Variants in C1QTNF3 observed in about 807,000 individuals in gnomAD.
C1QTNF3 encodes complement C1q tumor necrosis factor-related protein 3.
In C1QTNF3, 26 loss-of-function variants were observed where a neutral mutation model predicts 32.6. The ratio of observed to expected loss-of-function variants is 0.80; its 90% CI spans 0.58 to 1.11. C1QTNF3 has a LOEUF of 1.11. Among genes scored for constraint, C1QTNF3 ranks in the 50% least tolerant of loss-of-function variants. The pLI is 0.00. For missense variants in C1QTNF3, 362 were observed against 398.2 expected, an observed-to-expected ratio of 0.91 and a Z score of 0.77; for synonymous variants, 155 against 146.0, an observed-to-expected ratio of 1.06 and a Z score of -0.44.
chr5:34,105,925 T>C, the C1QTNF3 span: 1 of 144,988 alleles, frequency 6.9e-6, no homozygotes, highest in East Asian at 2.0e-4. Context: ...GTGTCCTCTC[T>C]CATGCATAAT....
At chr5:34,167,179 G>A in the C1QTNF3 span, 1 of 151,876 alleles carries the variant, frequency 6.6e-6, no homozygotes, top group African/African-American at 2.4e-5. Flanking sequence ...CCATCATCAC[G>A]TTTTGGCTAG....
chr5:34,055,294 C>A, the C1QTNF3 span, among the ~76,000 whole-genome samples: 1 of 152,194 alleles, frequency 6.6e-6, no homozygotes, highest in Non-Finnish European at 1.5e-5. Flanking sequence ...GCCATAGCTA[C>A]CACATGGTAG....
Position 34,019,326 on chromosome 5 carries a change from A to G in C1QTNF3, c.*1257T>C, listed in dbSNP as rs1754269961. ...TGCACCTTTTCCCATCTCTGTTGTG[A>G]ATCAATTTCCCACACACCTGGGACT... On this transcript the variant is annotated 3_prime_UTR_variant, in exon 6 of 6. Transcript: ENST00000382065. 1.3e-5 allele frequency: 2 copies of G among 152,164 alleles called. No individual in the cohort carries two copies. Among genetic ancestry groups the G allele is most frequent in the Non-Finnish European group, 2.9e-5 (2 of 68,034 alleles). The allele number at this position is 152,164 out of a possible 1,614,324, so 9.4% of individuals were successfully genotyped here. A position where few individuals can be genotyped will look rare whatever the true frequency, so the allele number is the denominator to read the frequency against.
At chr5:34,141,705 G>C in the C1QTNF3 span, among the ~76,000 whole-genome samples, 13 of 152,258 alleles carry the variant, frequency 8.5e-5, no homozygotes, top group East Asian at 2.3e-3. Flanking sequence ...GTAGACAGCG[G>C]AATGGTGGTT....
chr5:34,028,034 G>C (rs1415505210), intron 4 of C1QTNF3, among the ~76,000 whole-genome samples: 1 of 151,854 alleles, frequency 6.6e-6, no homozygotes, highest in Non-Finnish European at 1.5e-5. Flanking sequence ...GTGCAGTCGC[G>C]CGATCTCCGC....
the C1QTNF3 span, among the ~76,000 whole-genome samples, chr5:34,237,568 G>C: frequency 6.6e-6 from 1 of 152,170 alleles, no homozygotes; most frequent in African/African-American, 2.4e-5. Context: ...TGCGACAATA[G>C]ATGGTCAATT....
chr5:34,030,946 G>A (rs56305517), intron 3 of C1QTNF3, among the ~76,000 whole-genome samples: 38,997 of 152,036 alleles, frequency 0.26, 5,367 homozygotes, highest in South Asian at 0.47. Context: ...ATGGAAGGTG[G>A]GAGGAGGGAG....
At chr5:34,169,847 C>T in the C1QTNF3 span, among the ~76,000 whole-genome samples, 15 of 152,204 alleles carry the variant, frequency 9.9e-5, no homozygotes, top group South Asian at 2.1e-3. Context: ...TACAATGATA[C>T]AGCAACTAAG....
At chr5:34,216,018 C>G in the C1QTNF3 span, among the ~76,000 whole-genome samples, 3 of 152,202 alleles carry the variant, frequency 2.0e-5, no homozygotes, top group African/African-American at 7.2e-5. Flanking sequence ...GTGGTCACCA[C>G]ACAGATTCCC....
chr5:34,113,672 A>G, the C1QTNF3 span, among the ~76,000 whole-genome samples: 1 of 152,106 alleles, frequency 6.6e-6, no homozygotes, highest in Non-Finnish European at 1.5e-5. Context: ...CTCTCTCTCT[A>G]TATATATGTA....
the C1QTNF3 span, chr5:34,218,576 T>C: frequency 1.3e-5 from 2 of 152,444 alleles, no homozygotes; most frequent in Non-Finnish European, 2.9e-5. Flanking sequence ...CCTGTCCCCA[T>C]GCAGTGAATG....
the C1QTNF3 span, among the ~76,000 whole-genome samples, chr5:34,210,297 C>T: frequency 6.6e-6 from 1 of 151,950 alleles, no homozygotes; most frequent in Non-Finnish European, 1.5e-5. Context: ...ATATTGCATA[C>T]TCAATATGGC....
chr5:34,055,451 C>T, the C1QTNF3 span, among the ~76,000 whole-genome samples: 1 of 152,316 alleles, frequency 6.6e-6, no homozygotes, highest in East Asian at 1.9e-4. Flanking sequence ...CCAATCAGCA[C>T]AGATGAGGCA....
the C1QTNF3 span, among the ~76,000 whole-genome samples, chr5:34,133,986 A>C: frequency 4.6e-4 from 70 of 152,228 alleles, no homozygotes; most frequent in Admixed American, 2.6e-3. Flanking sequence ...TTGGTGACTA[A>C]TGTAAATAGC....
chr5:34,201,662 G>T, the C1QTNF3 span, among the ~76,000 whole-genome samples: 1 of 152,084 alleles, frequency 6.6e-6, no homozygotes, highest in African/African-American at 2.4e-5. Flanking sequence ...ATAAAAAGGG[G>T]GCAGAGAAGG....
At chr5:34,076,873 C>T in the C1QTNF3 span, among the ~76,000 whole-genome samples, 10 of 151,526 alleles carry the variant, frequency 6.6e-5, no homozygotes, top group East Asian at 1.5e-3. Flanking sequence ...TCTCAGGTTA[C>T]GAGCTAGTCA....
the C1QTNF3 span, among the ~76,000 whole-genome samples, chr5:34,213,836 A>G: frequency 7.9e-5 from 1 of 12,736 alleles, no homozygotes; most frequent in Non-Finnish European, 1.8e-4. Flanking sequence ...TGTGTGATGG[A>G]GTTTCGCTCT....
the C1QTNF3 span, among the ~76,000 whole-genome samples, chr5:34,225,470 CTT>C: frequency 6.6e-6 from 1 of 151,922 alleles, no homozygotes; most frequent in Non-Finnish European, 1.5e-5. Flanking sequence ...TAAATTCCTT[CTT>C]TGTTTATAAT....
chr5:34,029,718 T>C (rs1269956104), intron 3 of C1QTNF3, among the ~76,000 whole-genome samples: 1 of 152,252 alleles, frequency 6.6e-6, no homozygotes, highest in Non-Finnish European at 1.5e-5. Context: ...AAAGTTTTCC[T>C]TTCTTCATTA....
Sources: allele counts gnomAD v4.1 joint callset (sites outside exome capture counted in the v4.1 genomes callset), GRCh38; gene constraint gnomAD v4.1.1; transcripts MANE v1.5; gene names NCBI Gene and HGNC (gene_info 2026-07-23, HGNC 2026-07-21).